The following OGN variants were observed in gnomAD, a reference collection of about 807,000 sequenced individuals.
OGN encodes the protein osteoglycin, also known as mimecan.
Under a neutral mutation model 30.8 loss-of-function variants are expected in OGN, and 19 were observed. The observed-to-expected ratio is 0.62, with a 90% CI of 0.43 to 0.90. The LOEUF is 0.90. OGN is among the 40% of genes least tolerant of loss of function. The pLI is 0.00. For missense variants in OGN, 283 were observed against 349.7 expected (o/e 0.81, Z 1.52); for synonymous variants, 126 against 128.3 (o/e 0.98, Z 0.12).
rs1842310385 is a variant in OGN at position 92,383,369 on chromosome 9, C to T, written c.*2251G>A. On this transcript the variant is annotated 3_prime_UTR_variant, in exon 7 of 7. Transcript: ENST00000375561. ...GATTTTGATGGCAACTGTGTTCAGT[C>T]TGCATATCATATTGGATAGTATTGT... Among the ~76,000 whole-genome samples, 1 of 152,128 alleles carries T rather than the reference C, an allele frequency of 6.6e-6. No homozygotes were observed.
At chr9:92,386,149 A>G in intron 6 of OGN, 52 bp downstream of exon 6, 1 of 1,366,960 alleles carries the variant, frequency 7.3e-7, no homozygotes, top group Non-Finnish European at 1.0e-6. Flanking sequence ...GAGTCACAAG[A>G]TTTTGACTCA....
chr9:92,394,853 C>G (rs953365477), intron 3 of OGN, among the ~76,000 whole-genome samples: 1 of 151,608 alleles, frequency 6.6e-6, no homozygotes, highest in Non-Finnish European at 1.5e-5. Context: ...GTGATCTGCC[C>G]GCCTCAGCCT....
Position 92,386,298 on chromosome 9 carries a change from T to A in OGN, c.631-2A>T. On this transcript the variant is annotated splice_acceptor_variant, in intron 5 of 6. Transcript: ENST00000375561. LOFTEE classifies it high-confidence loss of function. ...GAGGAAGGTGAGGTTATTCAGTTTC[T>A]GTAAGGAAAATTTCATGTGAGTGTT... is the stretch of plus-strand genomic sequence containing the variant. 6.2e-7 allele frequency: 1 copy of A among 1,605,316 alleles called. No individual in the cohort carries two copies. The highest frequency in any genetic ancestry group is 2.2e-5 in the East Asian group (1 of 44,790).
intron 3 of OGN, among the ~76,000 whole-genome samples, chr9:92,397,902 T>C (rs1842955934): frequency 6.6e-6 from 1 of 152,220 alleles, no homozygotes; most frequent in African/African-American, 2.4e-5. Flanking sequence ...AACATTTCTA[T>C]ATTTCTGTAT....
intron 3 of OGN, among the ~76,000 whole-genome samples, chr9:92,398,504 A>G (rs1842982838): frequency 6.6e-6 from 1 of 151,990 alleles, no homozygotes; most frequent in Non-Finnish European, 1.5e-5. Flanking sequence ...TTTCTTTCTT[A>G]CATGAAAGAC....
In OGN at chr9:92,401,089, T is replaced by TA; in HGVS notation, c.268+2dup. The TA allele has an allele frequency of 7.4e-7, 1 of 1,350,758 alleles. No individual in the cohort carries two copies. Among genetic ancestry groups the TA allele is most frequent in the South Asian group, 1.2e-5 (1 of 83,332 alleles). 83.7% of individuals were successfully genotyped at this position (1,350,758 alleles called of 1,614,324 possible). A position where few individuals can be genotyped will look rare whatever the true frequency, so the allele number is the denominator to read the frequency against. ...ATTTGAAAAATATTTAGATGATACT[T>TA]ACCATCATTTTCTTTCTTGGGAGGT... On this transcript the variant is annotated splice_region_variant and intron_variant, in intron 3 of 6. Transcript: ENST00000375561.
Position 92,386,228 on chromosome 9 carries a change from T to C in OGN, c.699A>G (p.Pro233=), listed in dbSNP as rs1206432818. 1 of 1,612,582 alleles carries C rather than the reference T, an allele frequency of 6.2e-7. No individual in the cohort carries two copies. The highest frequency in any genetic ancestry group is 1.7e-5 in the Admixed American group (1 of 60,018). The change falls in exon 6 of 7, where the codon CCA becomes CCG. Residue 233 remains proline, a synonymous_variant. Transcript: ENST00000375561. ...NALESVPLNL[P]ESLRVIHLQF... The stretch of plus-strand genomic sequence containing the variant: ...GAAGATGAATTACACGTAGACTTTC[T>C]GGTAAATTAAGAGGCACGGATTCCA...
intron 3 of OGN, among the ~76,000 whole-genome samples, chr9:92,394,635 C>T (rs752876459): frequency 1.3e-5 from 2 of 151,266 alleles, no homozygotes; most frequent in African/African-American, 4.9e-5. Context: ...GATGAAGTCT[C>T]GCTTCGTCAC....
At position 92,401,197 on chromosome 9, in the gene OGN, A is replaced by G; in HGVS notation, c.175-12T>C. 1.6e-6 allele frequency: 2 copies of G among 1,266,550 alleles called. No individual in the cohort carries two copies. Among genetic ancestry groups the G allele is most frequent in the South Asian group, 1.2e-5 (1 of 80,788 alleles). 78.5% of individuals were successfully genotyped at this position (1,266,550 alleles called of 1,614,324 possible). On this transcript the variant is annotated splice_polypyrimidine_tract_variant and intron_variant, in intron 2 of 6. Coordinates refer to ENST00000375561, the MANE Select transcript of OGN (RefSeq NM_014057.5). Reference sequence around the variant, plus strand: ...ACAGTTTCTTTTTCCTATTGGAAAAATAAAAGTTTGTTACCTAGCTTCATT... The same window carrying G: ...ACAGTTTCTTTTTCCTATTGGAAAAGTAAAAGTTTGTTACCTAGCTTCATT...
intron 4 of OGN, among the ~76,000 whole-genome samples, chr9:92,392,583 C>G (rs1163985917): frequency 6.6e-6 from 1 of 151,728 alleles, no homozygotes; most frequent in Non-Finnish European, 1.5e-5. Flanking sequence ...CCACTCTACT[C>G]CAGCCTGGGC....
chr9:92,386,383 ATGTC>A, intron 5 of OGN, 87 bp from the exon 6 acceptor site: 2 of 780,180 alleles, frequency 2.6e-6, no homozygotes, highest in Non-Finnish European at 4.6e-6. Context: ...ATATGAGTAT[ATGTC>A]TATATATACA....
chr9:92,386,831 C>T (rs983479120), intron 5 of OGN, among the ~76,000 whole-genome samples: 4 of 152,050 alleles, frequency 2.6e-5, no homozygotes, highest in East Asian at 3.9e-4. Context: ...ATCTGCCCGC[C>T]TCAGCCTCCC....
At chr9:92,401,757 T>A (rs539352304) in intron 2 of OGN, among the ~76,000 whole-genome samples, 4 of 152,284 alleles carry the variant, frequency 2.6e-5, no homozygotes, top group Non-Finnish European at 5.9e-5. Context: ...GCCACTGGGG[T>A]AGGCCATTAA....
rs1842760902 is a variant in OGN at position 92,393,230 on chromosome 9, GAC to G, written c.281_282del (p.Cys94SerfsTer13). On this transcript the variant is annotated frameshift_variant, in exon 4 of 7. Coordinates refer to ENST00000375561, the MANE Select transcript of OGN (RefSeq NM_014057.5). LOFTEE classifies it high-confidence loss of function. ...GAGCCACTTAAACAAACACACAGCA[GAC>G]ACGTGGGCATTTCTAAATTGGGAAT... ...PKKENDEMPT[C>X]LLCVCLSGSV... is the part of the protein sequence containing the mutation. 4.4e-6 allele frequency: 7 copies of G among 1,589,834 alleles called. No homozygotes were observed. The highest frequency in any genetic ancestry group is 6.0e-6 in the Non-Finnish European group (7 of 1,167,372).
At chr9:92,392,322 G>A (rs79080591) in intron 4 of OGN, among the ~76,000 whole-genome samples, 1 of 152,090 alleles carries the variant, frequency 6.6e-6, no homozygotes, top group Non-Finnish European at 1.5e-5. Flanking sequence ...CCTAGTATCA[G>A]TATTTAAAAA....
At chr9:92,401,695 C>T (rs962044278) in intron 2 of OGN, among the ~76,000 whole-genome samples, 1 of 152,144 alleles carries the variant, frequency 6.6e-6, no homozygotes, top group Non-Finnish European at 1.5e-5. Context: ...CTCCATTAAG[C>T]CCTGGCTCTT....
chr9:92,395,782 C>CAAA (rs1842868138), intron 3 of OGN, among the ~76,000 whole-genome samples: 4 of 149,416 alleles, frequency 2.7e-5, no homozygotes, highest in Non-Finnish European at 5.9e-5. Flanking sequence ...AGCATCTTTT[C>CAAA]ATGTGCTTGT....
chr9:92,397,575 C>T (rs1842941328), intron 3 of OGN, among the ~76,000 whole-genome samples: 1 of 152,152 alleles, frequency 6.6e-6, no homozygotes, highest in Admixed American at 6.5e-5. Flanking sequence ...GGTGGTCCAC[C>T]CGCCTTGGCC....
intron 3 of OGN, among the ~76,000 whole-genome samples, chr9:92,399,055 A>C: frequency 7.0e-6 from 1 of 142,210 alleles, no homozygotes; most frequent in Non-Finnish European, 1.5e-5. Context: ...ACTCTGTCTC[A>C]AAAAAAAAAA....
Sources: gnomAD v4.1 joint callset for allele counts (sites outside exome capture counted in the v4.1 genomes callset) on GRCh38, gnomAD v4.1.1 for gene constraint, MANE v1.5 for transcripts, NCBI Gene and HGNC (gene_info 2026-07-23, HGNC 2026-07-21) for gene names.